Variants in RABGEF1 observed in about 807,000 individuals in gnomAD.
RABGEF1 encodes the protein RAB guanine nucleotide exchange factor 1, also known as rab5 GDP/GTP exchange factor.
A neutral mutation model predicts 57.3 loss-of-function variants in RABGEF1; 26 were observed. That is an observed-to-expected ratio of 0.45 (90% CI 0.33 to 0.63). The LOEUF is 0.63. RABGEF1 is among the 20% of genes least tolerant of loss of function. RABGEF1 has a pLI of 0.02. For synonymous variants in RABGEF1, 185 were observed against 210.7 expected, an observed-to-expected ratio of 0.88 and a Z score of 1.06; for missense variants, 464 against 607.6, an observed-to-expected ratio of 0.76 and a Z score of 2.48.
the RABGEF1 span, among the ~76,000 whole-genome samples, chr7:66,657,209 G>A: frequency 3.3e-5 from 5 of 152,332 alleles, no homozygotes; most frequent in South Asian, 1.0e-3. Flanking sequence ...TCAAGAGCGT[G>A]TGGGATATTG....
intron 1 of RABGEF1, among the ~76,000 whole-genome samples, chr7:66,752,214 C>T (rs887686993): frequency 6.6e-5 from 10 of 151,876 alleles, no homozygotes; most frequent in African/African-American, 2.2e-4. Flanking sequence ...AAAGTCTTGG[C>T]TGGGCGAGGT....
chr7:66,754,833 T>C (rs1157382694), intron 1 of RABGEF1, among the ~76,000 whole-genome samples: 1 of 152,200 alleles, frequency 6.6e-6, no homozygotes, highest in East Asian at 1.9e-4. Context: ...CAAGTGATTA[T>C]GGATGAAATG....
intron 1 of RABGEF1, among the ~76,000 whole-genome samples, chr7:66,760,235 A>G (rs1305299880): frequency 6.6e-6 from 1 of 152,120 alleles, no homozygotes; most frequent in Non-Finnish European, 1.5e-5. Context: ...TTTGTCCTCC[A>G]TATCTGTGGT....
At chr7:66,687,122 TTTTTTTTTTTTTTC>T in intron 1 of RABGEF1, among the ~76,000 whole-genome samples, 1 of 147,762 alleles carries the variant, frequency 6.8e-6, no homozygotes, top group African/African-American at 2.5e-5. Context: ...GCTTTTTTTT[TTTTTTTTTTTTTTC>T]TTTTTTTGAG....
At chr7:66,791,902 A>G (rs1328556239) in intron 4 of RABGEF1, among the ~76,000 whole-genome samples, 1 of 152,174 alleles carries the variant, frequency 6.6e-6, no homozygotes, top group Non-Finnish European at 1.5e-5. Context: ...TCACGAGGTC[A>G]GGAGGTCAAG....
intron 8 of RABGEF1, among the ~76,000 whole-genome samples, chr7:66,807,582 C>T (rs1288770283): frequency 6.6e-6 from 1 of 152,230 alleles, no homozygotes; most frequent in African/African-American, 2.4e-5. Context: ...CTGTCTTGAC[C>T]TTACACTTGT....
intron 1 of RABGEF1, among the ~76,000 whole-genome samples, chr7:66,767,981 G>T (rs1156307880): frequency 6.6e-6 from 1 of 152,166 alleles, no homozygotes; most frequent in Non-Finnish European, 1.5e-5. Flanking sequence ...GCATTCTGTT[G>T]TATGGGTGCA....
At chr7:66,684,881 C>T (rs1162824976) in intron 1 of RABGEF1, among the ~76,000 whole-genome samples, 2 of 152,144 alleles carry the variant, frequency 1.3e-5, no homozygotes, top group African/African-American at 2.4e-5. Flanking sequence ...GTGGTCTGCC[C>T]GCTTCGGCCT....
At chr7:66,799,218 G>T in intron 6 of RABGEF1, 105 bp from the exon 7 acceptor site, 1 of 784,906 alleles carries the variant, frequency 1.3e-6, no homozygotes, top group South Asian at 1.6e-5. Flanking sequence ...GCCTGGGATT[G>T]AGTGGTCAGT....
chr7:66,741,563 G>A (rs1798951543), intron 1 of RABGEF1, among the ~76,000 whole-genome samples: 1 of 152,144 alleles, frequency 6.6e-6, no homozygotes. Context: ...ATGTGTCGTG[G>A]GCGCCCGTGG....
At chr7:66,805,978 C>G (rs1386843522) in intron 8 of RABGEF1, among the ~76,000 whole-genome samples, 2 of 151,678 alleles carry the variant, frequency 1.3e-5, no homozygotes, top group Non-Finnish European at 2.9e-5. Flanking sequence ...CTCCTGGACT[C>G]AAGCAGTCCT....
chr7:66,750,126 G>A (rs764783646), intron 1 of RABGEF1, among the ~76,000 whole-genome samples: 2 of 152,208 alleles, frequency 1.3e-5, no homozygotes, highest in African/African-American at 4.8e-5. Flanking sequence ...AGTTGGGGTT[G>A]TATTGAGAAT....
At chr7:66,725,742 T>C (rs1796513525) in intron 2 of RABGEF1, among the ~76,000 whole-genome samples, 1 of 152,186 alleles carries the variant, frequency 6.6e-6, no homozygotes. Context: ...GACATGGCCT[T>C]ACCCTAAGGG....
At chr7:66,693,997 C>CA (rs2117162009) in intron 1 of RABGEF1, among the ~76,000 whole-genome samples, 1 of 152,174 alleles carries the variant, frequency 6.6e-6, no homozygotes, top group African/African-American at 2.4e-5. Flanking sequence ...TTAGTAGAGA[C>CA]GGGGTTTCAC....
At chr7:66,721,716 C>G (rs1210206338) in intron 2 of RABGEF1, among the ~76,000 whole-genome samples, 2 of 152,164 alleles carry the variant, frequency 1.3e-5, no homozygotes, top group African/African-American at 4.8e-5. Flanking sequence ...GACTCTAATC[C>G]CAGCACTTTG....
At chr7:66,705,181 A>G (rs1405970029) in intron 1 of RABGEF1, among the ~76,000 whole-genome samples, 5 of 152,142 alleles carry the variant, frequency 3.3e-5, no homozygotes, top group Admixed American at 6.6e-5. Context: ...CAGGCATATC[A>G]TTTGAGGTCA....
intron 2 of RABGEF1, among the ~76,000 whole-genome samples, chr7:66,723,408 C>T (rs1796259454): frequency 6.6e-6 from 1 of 152,196 alleles, no homozygotes; most frequent in Admixed American, 6.5e-5. Context: ...ACAATCTACC[C>T]TTACGTTGCG....
the RABGEF1 span, among the ~76,000 whole-genome samples, chr7:66,676,965 C>T: frequency 1.3e-3 from 191 of 152,240 alleles, no homozygotes; most frequent in African/African-American, 4.2e-3. Context: ...ATTGCCTGTC[C>T]GTTTGGTTTC....
intron 7 of RABGEF1, among the ~76,000 whole-genome samples, chr7:66,803,515 C>T (rs963281959): frequency 1.3e-5 from 2 of 152,178 alleles, no homozygotes; most frequent in African/African-American, 4.8e-5. Context: ...GCTTCAGCAC[C>T]CTTCGCTGTC....
Sources: gnomAD v4.1 joint callset for allele counts (sites outside exome capture counted in the v4.1 genomes callset) on GRCh38, gnomAD v4.1.1 for gene constraint, MANE v1.5 for transcripts, NCBI Gene and HGNC (gene_info 2026-07-23, HGNC 2026-07-21) for gene names.